BMPR2: variants seen among roughly 807,000 people sequenced by gnomAD.
The protein encoded by BMPR2 is bone morphogenetic protein receptor type 2.
In BMPR2, 29 loss-of-function variants were observed where a neutral mutation model predicts 100.8. The ratio of observed to expected loss-of-function variants is 0.29; its 90% CI spans 0.21 to 0.39. BMPR2 has a LOEUF of 0.39. Among genes scored for constraint, BMPR2 ranks in the 10% least tolerant of loss-of-function variants. The pLI, the probability that BMPR2 is intolerant of heterozygous loss-of-function variation, is 1.00. For missense variants in BMPR2, 1,011 were observed against 1,274.5 expected, an observed-to-expected ratio of 0.79 and a Z score of 3.15; for synonymous variants, 382 against 442.3, an observed-to-expected ratio of 0.86 and a Z score of 1.71.
chr2:202,537,726 T>A (rs1343792461), intron 9 of BMPR2, among the ~76,000 whole-genome samples: 1 of 151,058 alleles, frequency 6.6e-6, no homozygotes, highest in Non-Finnish European at 1.5e-5. Context: ...AAGAAGAGAG[T>A]TGCTTTAAAA....
chr2:202,535,733 C>T (rs1415722774), intron 9 of BMPR2, among the ~76,000 whole-genome samples: 1 of 152,106 alleles, frequency 6.6e-6, no homozygotes, highest in Non-Finnish European at 1.5e-5. Context: ...CCAAGGCAGG[C>T]GGCTGGGAGG....
Position 202,377,656 on chromosome 2 carries a change from C to T in BMPR2, c.76+106C>T, listed in dbSNP as rs914586904. On this transcript the variant is annotated intron_variant, in intron 1 of 12. Coordinates refer to ENST00000374580, the MANE Select transcript of BMPR2 (RefSeq NM_001204.7). ...GCTTGCCCTTCGCCATGCGTCCCCC[C>T]GATCGCGGTGCAGCGGAGCTGCGAC... 4.5e-6 allele frequency: 6 copies of T among 1,347,876 alleles called. No homozygotes were observed. In the South Asian group the frequency reaches 5.9e-5, roughly 13 times the overall value. The allele number at this position is 1,347,876 out of a possible 1,614,324, so 83.5% of individuals were successfully genotyped here. A position where few individuals can be genotyped will look rare whatever the true frequency, so the allele number is the denominator to read the frequency against.
chr2:202,535,418 G>T (rs1226551851), intron 9 of BMPR2, among the ~76,000 whole-genome samples: 1 of 151,260 alleles, frequency 6.6e-6, no homozygotes, highest in Non-Finnish European at 1.5e-5. Context: ...GGTCTCGGCT[G>T]GGCAGAGGCG....
At chr2:202,484,019 A>G (rs748171318) in intron 3 of BMPR2, among the ~76,000 whole-genome samples, 6 of 152,210 alleles carry the variant, frequency 3.9e-5, no homozygotes, top group Middle Eastern at 3.2e-3. Context: ...ACTTAAGCCT[A>G]GGAGTTTGAG....
At position 202,567,609 on chromosome 2, in the gene BMPR2, G is replaced by T. The variant is rs916375202; in HGVS notation, c.*7663G>T. 2.6e-5 allele frequency: 4 copies of T among 152,550 alleles called. No individual in the cohort carries two copies. Among genetic ancestry groups the T allele is most frequent in the African/African-American group, 9.7e-5 (4 of 41,416 alleles). The allele number at this position is 152,550 out of a possible 1,614,324, so 9.4% of individuals were successfully genotyped here. A position where few individuals can be genotyped will look rare whatever the true frequency, so the allele number is the denominator to read the frequency against. On this transcript the variant is annotated 3_prime_UTR_variant, in exon 13 of 13. Coordinates refer to ENST00000374580, the MANE Select transcript of BMPR2 (RefSeq NM_001204.7). ...ATGAATAAGTGTAAGTAAATGCTTT[G>T]ATATATATAAACCTAAATAAAAAGA...
intron 1 of BMPR2, among the ~76,000 whole-genome samples, chr2:202,415,642 T>C (rs186220408): frequency 3.3e-5 from 5 of 152,306 alleles, no homozygotes; most frequent in Admixed American, 2.0e-4. Context: ...TTAAGAATTA[T>C]ACTAAATATG....
At chr2:202,399,399 C>G (rs1048278212) in intron 1 of BMPR2, among the ~76,000 whole-genome samples, 2 of 152,022 alleles carry the variant, frequency 1.3e-5, no homozygotes, top group African/African-American at 2.4e-5. Context: ...TTCACAGGAT[C>G]GGAAAGGAGC....
At chr2:202,434,087 A>G (rs1691560354) in intron 1 of BMPR2, among the ~76,000 whole-genome samples, 1 of 150,578 alleles carries the variant, frequency 6.6e-6, no homozygotes, top group South Asian at 2.1e-4. Flanking sequence ...CAGCTTACAC[A>G]ATTCTGGCTG....
At chr2:202,486,023 C>T (rs1336513199) in intron 3 of BMPR2, among the ~76,000 whole-genome samples, 1 of 151,930 alleles carries the variant, frequency 6.6e-6, no homozygotes, top group Non-Finnish European at 1.5e-5. Flanking sequence ...CCAGACCATC[C>T]CAAGCATTGA....
At chr2:202,472,988 T>C (rs1692466701) in intron 3 of BMPR2, among the ~76,000 whole-genome samples, 1 of 152,200 alleles carries the variant, frequency 6.6e-6, no homozygotes, top group South Asian at 2.1e-4. Context: ...TAATATCAAA[T>C]GTCAGACATT....
intron 1 of BMPR2, among the ~76,000 whole-genome samples, chr2:202,422,755 C>T (rs1178762899): frequency 6.6e-6 from 1 of 152,120 alleles, no homozygotes; most frequent in Non-Finnish European, 1.5e-5. Flanking sequence ...CAGCTCACTG[C>T]AGACTCTGCC....
intron 2 of BMPR2, among the ~76,000 whole-genome samples, chr2:202,466,897 C>T (rs928812458): frequency 4.6e-5 from 7 of 152,192 alleles, no homozygotes; most frequent in African/African-American, 1.7e-4. Context: ...CGTGCCCAGC[C>T]ATATTATTTT....
In BMPR2 at chr2:202,559,870, G is replaced by A; in HGVS notation, c.3041G>A (p.Ser1014Asn). Residue 1014 changes from serine to asparagine, a missense_variant, in exon 13 of 13, where the codon AGC (serine) becomes AAC (asparagine). Physicochemically the swap from Ser to Asn is conservative, Grantham distance 46. Transcript: ENST00000374580. Reference sequence around the variant, plus strand: ...AACAGGGCAGTTCATTCCAAATCCAGCACTGCTGTTTACCTTGCAGAAGGA... The same window carrying A: ...AACAGGGCAGTTCATTCCAAATCCAACACTGCTGTTTACCTTGCAGAAGGA... ...GSNRAVHSKS[S>N]TAVYLAEGGT... 1 of 1,614,074 alleles carries A rather than the reference G, an allele frequency of 6.2e-7. No individual in the cohort carries two copies. Among genetic ancestry groups the A allele is most frequent in the Non-Finnish European group, 8.5e-7 (1 of 1,180,022 alleles).
intron 3 of BMPR2, among the ~76,000 whole-genome samples, chr2:202,512,589 C>T (rs1049499914): frequency 6.6e-6 from 1 of 152,170 alleles, no homozygotes; most frequent in Non-Finnish European, 1.5e-5. Context: ...AGGTCTCAAA[C>T]CTTCATAGTT....
intron 9 of BMPR2, among the ~76,000 whole-genome samples, chr2:202,534,856 AC>A (rs1320668880): frequency 8.1e-6 from 1 of 123,024 alleles, no homozygotes; most frequent in Non-Finnish European, 1.7e-5. Flanking sequence ...CGGGGGGCTG[AC>A]CCCCCCACCT....
chr2:202,390,164 A>G (rs1690518215), intron 1 of BMPR2, among the ~76,000 whole-genome samples: 1 of 152,160 alleles, frequency 6.6e-6, no homozygotes. Context: ...TATTGCGTAT[A>G]TTGTACATAA....
Position 202,555,550 on chromosome 2 carries a change from A to G in BMPR2, c.1885A>G (p.Ile629Val). ...CACGCCAAGTACTGGCATGACTACTATATCTGAGATGCCATACCCAGATGA... is the reference window on the plus strand; with the variant it reads ...CACGCCAAGTACTGGCATGACTACTGTATCTGAGATGCCATACCCAGATGA... ...GLTPSTGMTT[I>V]SEMPYPDETN... The change falls in exon 12 of 13, where the codon ATA becomes GTA. Residue 629 changes from isoleucine (I) to valine (V), a missense_variant. Around this residue, in one of 6 missense-constraint regions of BMPR2, gnomAD observed 508 missense variants for 552.0 expected, o/e 0.92. Coordinates refer to ENST00000374580, the MANE Select transcript of BMPR2 (RefSeq NM_001204.7). 6.2e-7 allele frequency: 1 copy of G among 1,614,192 alleles called. No individual in the cohort carries two copies. The highest frequency in any genetic ancestry group is 8.5e-7 in the Non-Finnish European group (1 of 1,180,036).
chr2:202,552,928 A>G, intron 11 of BMPR2, 40 bp downstream of exon 11: 1 of 1,607,774 alleles, frequency 6.2e-7, no homozygotes. Flanking sequence ...AATCAGTATT[A>G]GAAACTGAGA....
chr2:202,431,686 A>G (rs1416460897), intron 1 of BMPR2, among the ~76,000 whole-genome samples: 2 of 148,706 alleles, frequency 1.3e-5, no homozygotes, highest in African/African-American at 2.6e-5. Flanking sequence ...GTATAGTAAC[A>G]TAGAGTACAG....
Sources: gnomAD v4.1 joint callset for allele counts (sites outside exome capture counted in the v4.1 genomes callset) on GRCh38, gnomAD v4.1.1 for gene constraint, gnomAD v4.1.1 regional missense constraint, MANE v1.5 for transcripts, NCBI Gene and HGNC (gene_info 2026-07-23, HGNC 2026-07-21) for gene names.